Variants in RNF17 observed in about 807,000 individuals in gnomAD.
RNF17 encodes the protein ring finger protein 17.
In RNF17, 31 loss-of-function variants were observed where a neutral mutation model predicts 200.5. That is an observed-to-expected ratio of 0.15 (90% confidence interval 0.12 to 0.21). The LOEUF (loss-of-function observed/expected upper bound fraction) is 0.21, where lower values mean the gene tolerates loss of function less well. Among genes scored for constraint, RNF17 ranks in the 10% least tolerant of loss-of-function variants. The probability of loss-of-function intolerance (pLI) is 1.00; values close to 1 mark genes in which losing one functional copy is unlikely to be tolerated. For synonymous variants in RNF17, 606 were observed against 637.8 expected (o/e 0.95, Z 0.75); for missense variants, 1,628 against 1,905.1 (o/e 0.85, Z 2.71).
chr13:24,779,141 G>A (rs910541538), intron 4 of RNF17, among the ~76,000 whole-genome samples: 1 of 151,846 alleles, frequency 6.6e-6, no homozygotes, highest in African/African-American at 2.4e-5. Context: ...AAGTTGCAGT[G>A]AGCAGAGATA....
At chr13:24,772,479 AT>A (rs1297306037) in intron 2 of RNF17, among the ~76,000 whole-genome samples, 1 of 116,368 alleles carries the variant, frequency 8.6e-6, no homozygotes, top group African/African-American at 3.4e-5. Flanking sequence ...GCCAGGTGCG[AT>A]TTTTTAAAAA....
intron 15 of RNF17, among the ~76,000 whole-genome samples, chr13:24,809,647 C>T (rs1181461814): frequency 2.6e-5 from 4 of 151,926 alleles, no homozygotes; most frequent in Non-Finnish European, 5.9e-5. Context: ...TCCTTCAGTT[C>T]TGCTCTGATT....
At chr13:24,853,662 T>C (rs969859121) in intron 24 of RNF17, among the ~76,000 whole-genome samples, 193 bp from the exon 25 acceptor site, 10 of 152,178 alleles carry the variant, frequency 6.6e-5, no homozygotes, top group Admixed American at 6.5e-4. Context: ...TTACTTAAAT[T>C]TTTATTGCTT....
At chr13:24,795,380 C>T (rs1884433065) in intron 10 of RNF17, among the ~76,000 whole-genome samples, 1 of 150,822 alleles carries the variant, frequency 6.6e-6, no homozygotes, top group Admixed American at 6.6e-5. Context: ...TTTTTCCAAA[C>T]TTCTCTCTCC....
At chr13:24,752,687 G>A in the RNF17 span, among the ~76,000 whole-genome samples, 1 of 152,258 alleles carries the variant, frequency 6.6e-6, no homozygotes, top group East Asian at 1.9e-4. Flanking sequence ...GTGGATGGAA[G>A]CCGCTGATCT....
At chr13:24,837,581 GCTC>G (rs900661001) in intron 18 of RNF17, among the ~76,000 whole-genome samples, 2 of 152,146 alleles carry the variant, frequency 1.3e-5, no homozygotes, top group Non-Finnish European at 2.9e-5. Flanking sequence ...AAATTAACCT[GCTC>G]CTGAATGAGC....
rs1593352042 is a variant in RNF17 at position 24,824,460 on chromosome 13, A to T, written c.2092-1159A>T. The T allele has an allele frequency of 9.0e-6, 3 of 331,718 alleles. No individual in the cohort carries two copies. The East Asian group carries it at 1.4e-4, about 15-fold the overall frequency. 20.5% of individuals were successfully genotyped at this position (331,718 alleles called of 1,614,324 possible). A position where few individuals can be genotyped will look rare whatever the true frequency, so the allele number is the denominator to read the frequency against. ...TTTTCACTTGCATCATTATACTCAC[A>T]AGAAAAAAATTCATTTTTTCCATTG... On this transcript the variant is annotated intron_variant, in intron 15 of 35. Transcript: ENST00000255324.
At chr13:24,808,328 G>C (rs1886152097) in intron 15 of RNF17, among the ~76,000 whole-genome samples, 1 of 151,904 alleles carries the variant, frequency 6.6e-6, no homozygotes, top group African/African-American at 2.4e-5. Context: ...TCCTTGAGCA[G>C]TGGTTTGTAG....
intron 13 of RNF17, among the ~76,000 whole-genome samples, chr13:24,801,588 C>T (rs1885250613): frequency 6.6e-6 from 1 of 152,174 alleles, no homozygotes; most frequent in East Asian, 1.9e-4. Context: ...TGCCACTGCA[C>T]ACCAGTCTGG....
intron 6 of RNF17, among the ~76,000 whole-genome samples, chr13:24,786,509 A>G (rs575995464): frequency 1.3e-5 from 2 of 152,298 alleles, no homozygotes; most frequent in Middle Eastern, 3.4e-3. Context: ...TTATCATTGT[A>G]TGGCTTTGAG....
chr13:24,780,624 G>C (rs879816299), intron 5 of RNF17, among the ~76,000 whole-genome samples: 2 of 152,186 alleles, frequency 1.3e-5, no homozygotes, highest in Non-Finnish European at 2.9e-5. Flanking sequence ...GGTCATGCCT[G>C]TGATCCCAGC....
intron 15 of RNF17, among the ~76,000 whole-genome samples, chr13:24,815,432 T>TGG (rs1887271450): frequency 7.0e-5 from 1 of 14,376 alleles, no homozygotes; most frequent in South Asian, 4.7e-3. Flanking sequence ...TAACGGGGTG[T>TGG]GTGTGTGTGT....
In RNF17 at chr13:24,859,178, T is replaced by A; in HGVS notation, c.3774+14T>A. ...GGCGCTGTCAGAGTGAGTCTGATAT[T>A]CTTTTGTGACAATTCTAAAGCTAAA... On this transcript the variant is annotated intron_variant, in intron 26 of 35. Transcript: ENST00000255324. 1.3e-6 allele frequency: 2 copies of A among 1,558,268 alleles called. No homozygotes were observed. Among genetic ancestry groups the A allele is most frequent in the Non-Finnish European group, 1.7e-6 (2 of 1,147,834 alleles).
chr13:24,804,474 T>C, intron 15 of RNF17, 45 bp downstream of exon 15: 1 of 1,442,750 alleles, frequency 6.9e-7, no homozygotes, highest in Non-Finnish European at 9.5e-7. Flanking sequence ...TAAAAAAATT[T>C]TAATTAGACA....
At chr13:24,804,942 A>C (rs1377737957) in intron 15 of RNF17, among the ~76,000 whole-genome samples, 1 of 152,138 alleles carries the variant, frequency 6.6e-6, no homozygotes, top group Non-Finnish European at 1.5e-5. Context: ...AAGGGAATTA[A>C]CTCATTAATC....
chr13:24,790,868 T>A (rs1019803384), intron 9 of RNF17, among the ~76,000 whole-genome samples: 1 of 152,182 alleles, frequency 6.6e-6, no homozygotes, highest in African/African-American at 2.4e-5. Flanking sequence ...AGACTTGTTG[T>A]AAGGCACAAA....
chr13:24,848,173 T>C (rs1356669637), intron 22 of RNF17, among the ~76,000 whole-genome samples: 1 of 152,178 alleles, frequency 6.6e-6, no homozygotes, highest in Admixed American at 6.5e-5. Flanking sequence ...AGTATTTTAT[T>C]ATCTGGATAA....
chr13:24,790,356 T>C (rs778710418), intron 9 of RNF17, among the ~76,000 whole-genome samples: 27 of 152,162 alleles, frequency 1.8e-4, no homozygotes, highest in Non-Finnish European at 3.5e-4. Flanking sequence ...ACATAGATGC[T>C]AAGTCTTAAA....
chr13:24,828,585 C>G (rs1050664812), intron 16 of RNF17, among the ~76,000 whole-genome samples: 2 of 143,228 alleles, frequency 1.4e-5, no homozygotes, highest in African/African-American at 3.0e-5. Context: ...CTCCATAGCC[C>G]TTTTGTCCTC....
Sources: gnomAD v4.1 joint callset for allele counts (sites outside exome capture counted in the v4.1 genomes callset) on GRCh38, gnomAD v4.1.1 for gene constraint, MANE v1.5 for transcripts, NCBI Gene and HGNC (gene_info 2026-07-23, HGNC 2026-07-21) for gene names.